Variants in CANX observed in about 807,000 individuals in gnomAD.
CANX encodes the protein epididymis secretory sperm binding protein.
A neutral mutation model predicts 75.7 loss-of-function variants in CANX; 14 were observed. That is an observed-to-expected ratio of 0.19 (90% CI 0.12 to 0.29). CANX has a LOEUF of 0.29. Ranked by LOEUF, CANX falls within the 10% of genes least tolerant of loss-of-function variation. The probability of loss-of-function intolerance (pLI) is 1.00; values close to 1 mark genes in which losing one functional copy is unlikely to be tolerated. For synonymous variants in CANX, 227 were observed against 236.9 expected (o/e 0.96, Z 0.38); for missense variants, 567 against 713.2 (o/e 0.79, Z 2.34).
rs1355252771 is a variant in CANX at position 179,716,134 on chromosome 5, C to T, written c.751C>T (p.Leu251=). 2 of 1,611,308 alleles carry T rather than the reference C, an allele frequency of 1.2e-6. No individual in the cohort carries two copies. The highest frequency in any genetic ancestry group is 1.1e-5 in the South Asian group (1 of 90,908). The change falls in exon 8 of 15, where the codon CTG becomes TTG. Residue 251 remains leucine (L), a synonymous_variant. Transcript: ENST00000247461. ...GAATCCAGATAATAGTTTTGAAATACTGGTTGACCAATCTGTGGTGAATAG... is the reference window on the plus strand; with the variant it reads ...GAATCCAGATAATAGTTTTGAAATATTGGTTGACCAATCTGTGGTGAATAG... ...ILNPDNSFEI[L]VDQSVVNSGN...
intron 5 of CANX, 144 bp downstream of exon 5, chr5:179,708,524 T>G: frequency 1.7e-6 from 1 of 584,640 alleles, no homozygotes. Context: ...ACCTTGTAAT[T>G]AATAGTTTTT....
chr5:179,685,970 C>T (rs56040295), intron 1 of CANX, among the ~76,000 whole-genome samples: 3,237 of 151,864 alleles, frequency 0.021, 58 homozygotes, highest in Non-Finnish European at 0.034. Context: ...GGATTACAGG[C>T]GTGAGTCATC....
chr5:179,686,102 C>CTTTTTTTTTTTTTTTTT lies in CANX; in HGVS notation c.-4+7339_-4+7340insTTTTTTTTTTTTTTTTT, dbSNP rs757104413. Among the ~76,000 whole-genome samples the CTTTTTTTTTTTTTTTTT allele has an allele frequency of 1.9e-4, 25 of 128,612 alleles. 2 individuals are homozygous for CTTTTTTTTTTTTTTTTT. The highest frequency in any genetic ancestry group is 3.1e-4 in the Non-Finnish European group (19 of 61,426). 84.4% of individuals were successfully genotyped at this position (128,612 alleles called of 152,430 possible). On this transcript the variant is annotated intron_variant, in intron 1 of 14. Coordinates refer to the CANX transcript ENST00000681674. Reference sequence around the variant, plus strand: ...ATTTTGATGAAGTGGTTGTTCAAGTCTTTTTTTTTTTTTTGAGACGGAGTC... The same window carrying CTTTTTTTTTTTTTTTTT: ...ATTTTGATGAAGTGGTTGTTCAAGTCTTTTTTTTTTTTTTTTTTTTTTTTTTTTTTTGAGACGGAGTC...
chr5:179,696,130 G>A (rs1422044354), upstream of CANX, among the ~76,000 whole-genome samples: 1 of 151,754 alleles, frequency 6.6e-6, no homozygotes, highest in Admixed American at 6.6e-5. Context: ...ATGTTGCCCA[G>A]GCTGGTCTTG....
At chr5:179,717,383 C>G (rs1194000454) in intron 8 of CANX, among the ~76,000 whole-genome samples, 4 of 152,172 alleles carry the variant, frequency 2.6e-5, no homozygotes, top group African/African-American at 4.8e-5. Context: ...GTTTCCTCCC[C>G]CAACTCCCAG....
upstream of CANX, chr5:179,694,278 A>G (rs1425457221): frequency 6.0e-6 from 3 of 498,992 alleles, no homozygotes; most frequent in Non-Finnish European, 7.3e-6. Context: ...AGAAGAATGT[A>G]AAAAGAAAAA....
At chr5:179,702,047 A>G (rs768538434) in intron 1 of CANX, among the ~76,000 whole-genome samples, 2 of 150,810 alleles carry the variant, frequency 1.3e-5, no homozygotes, top group African/African-American at 2.4e-5. Flanking sequence ...AGCCTTACTT[A>G]TTTTTTTAGA....
chr5:179,701,735 A>ATTTTT (rs1776774271), intron 1 of CANX, among the ~76,000 whole-genome samples: 12 of 27,544 alleles, frequency 4.4e-4, no homozygotes, highest in Admixed American at 1.1e-3. Context: ...CAACAGATGT[A>ATTTTT]CTTTTTTTTT....
intron 10 of CANX, among the ~76,000 whole-genome samples, chr5:179,722,243 A>G (rs1269792212): frequency 1.3e-5 from 2 of 152,230 alleles, no homozygotes; most frequent in Non-Finnish European, 2.9e-5. Context: ...CTGAGGCACA[A>G]GGATCACTTG....
At chr5:179,696,016 C>G (rs1451461397), upstream of CANX, among the ~76,000 whole-genome samples, 1 of 151,598 alleles carries the variant, frequency 6.6e-6, no homozygotes, top group Non-Finnish European at 1.5e-5. Context: ...ACCTCTTGGC[C>G]TTAGACAATC....
chr5:179,722,519 T>C (rs1009736593), intron 10 of CANX, among the ~76,000 whole-genome samples: 4 of 152,224 alleles, frequency 2.6e-5, no homozygotes, highest in African/African-American at 9.7e-5. Flanking sequence ...TAGCAGTTGC[T>C]AAGAGTGGAG....
rs1282791849 is a variant in CANX, at chr5:179,724,696, C to G, written c.1558C>G (p.Pro520Ala). The G allele has an allele frequency of 1.2e-6, 2 of 1,613,096 alleles. No homozygotes were observed. Among genetic ancestry groups the G allele is most frequent in the African/African-American group, 2.7e-5 (2 of 74,788 alleles). Residue 520 changes from proline to alanine, a missense_variant, in exon 13 of 15, where the codon CCT (proline) becomes GCT (alanine). Pro to Ala is a conservative substitution (Grantham distance 27). Transcript: ENST00000247461. ...SGMEYKKTDA[P>A]QPDVKEEEEE... Reference sequence around the variant, plus strand: ...TATGGAGTATAAGAAAACTGATGCACCTCAACCGGATGTGAAGGAAGAGGA... The same window carrying G: ...TATGGAGTATAAGAAAACTGATGCAGCTCAACCGGATGTGAAGGAAGAGGA...
chr5:179,723,787 G>GTTT lies in CANX; in HGVS notation c.1518+17_1518+19dup. 14 of 1,326,968 alleles carry GTTT rather than the reference G, an allele frequency of 1.1e-5. No homozygotes were observed. The highest frequency in any genetic ancestry group is 4.5e-5 in the Admixed American group (2 of 44,310). 82.2% of individuals were successfully genotyped at this position (1,326,968 alleles called of 1,614,324 possible). The stretch of plus-strand genomic sequence containing the variant: ...TTCTGCTGTTCTGGAAAGGTAGGAA[G>GTTT]TTTTTTTTTTTAGAATCAATTTTAG... On this transcript the variant is annotated intron_variant, in intron 12 of 14. Transcript: ENST00000247461.
chr5:179,685,484 G>A (rs1179288207), intron 1 of CANX, among the ~76,000 whole-genome samples: 1 of 150,592 alleles, frequency 6.6e-6, no homozygotes, highest in Admixed American at 6.7e-5. Context: ...CTGACCTCAG[G>A]TGATCTGCCC....
At position 179,679,324 on chromosome 5, in the gene CANX, G is replaced by T. The variant is rs995813877; in HGVS notation, c.-4+547G>T. ...TGGTACAGGCCGCCTCTCAAACCGCGAGGCCGGCGGACATGTCTTAGCCCT... is the reference window on the plus strand; with the variant it reads ...TGGTACAGGCCGCCTCTCAAACCGCTAGGCCGGCGGACATGTCTTAGCCCT... On this transcript the variant is annotated intron_variant, in intron 1 of 14. Transcript: ENST00000681674. 6 of 1,360,224 alleles carry T rather than the reference G, an allele frequency of 4.4e-6. No individual in the cohort carries two copies. In the Admixed American group the frequency reaches 1.3e-4, roughly 30 times the overall value. 84.3% of individuals were successfully genotyped at this position (1,360,224 alleles called of 1,614,324 possible).
At chr5:179,692,988 T>C (rs1238043036) in intron 1 of CANX, among the ~76,000 whole-genome samples, 1 of 151,140 alleles carries the variant, frequency 6.6e-6, no homozygotes, top group African/African-American at 2.4e-5. Flanking sequence ...CTACTAAAAA[T>C]ACAAAAAATT....
chr5:179,694,346 C>T (rs913549855), upstream of CANX: 13 of 561,158 alleles, frequency 2.3e-5, no homozygotes, highest in Admixed American at 1.4e-4. Context: ...AGACAATGTC[C>T]GGGAAAGAGA....
At chr5:179,727,259 A>T (rs1247842833) in intron 14 of CANX, among the ~76,000 whole-genome samples, 1 of 152,224 alleles carries the variant, frequency 6.6e-6, no homozygotes, top group African/African-American at 2.4e-5. Flanking sequence ...TACTTGGGGG[A>T]AACAGGCAAT....
At chr5:179,704,453 G>T (rs146107820) in intron 1 of CANX, 3,562 of 152,240 alleles carry the variant, frequency 0.023, 75 homozygotes, top group Non-Finnish European at 0.036. Flanking sequence ...CTTGAACCCA[G>T]GAGGCGGAGG....
Sources: allele counts gnomAD v4.1 joint callset (sites outside exome capture counted in the v4.1 genomes callset), GRCh38; gene constraint gnomAD v4.1.1; transcripts MANE v1.5; gene names NCBI Gene and HGNC (gene_info 2026-07-23, HGNC 2026-07-21).